ZNF736: variants seen among roughly 807,000 people sequenced by gnomAD.
The protein encoded by ZNF736 is KRAB-containing zinc-finger repressor protein.
A neutral mutation model predicts 11.7 loss-of-function variants in ZNF736; 6 were observed. The ratio of observed to expected loss-of-function variants is 0.51; its 90% CI spans 0.28 to 1.01. The LOEUF (loss-of-function observed/expected upper bound fraction) is 1.01, where lower values mean the gene tolerates loss of function less well. Among genes scored for constraint, ZNF736 ranks in the 50% least tolerant of loss-of-function variants. The probability of loss-of-function intolerance (pLI) is 0.09; values close to 1 mark genes in which losing one functional copy is unlikely to be tolerated. For synonymous variants in ZNF736, 139 were observed against 164.7 expected (o/e 0.84, Z 1.19); for missense variants, 444 against 496.0 (o/e 0.90, Z 1.00).
At chr7:64,339,132 A>G (rs1789300295) in intron 3 of ZNF736, among the ~76,000 whole-genome samples, 1 of 152,136 alleles carries the variant, frequency 6.6e-6, no homozygotes, top group South Asian at 2.1e-4. Flanking sequence ...ATTTGTAAAC[A>G]TTTATTTAGT....
chr7:64,330,630 G>A (rs898513972), intron 1 of ZNF736, among the ~76,000 whole-genome samples: 3 of 152,102 alleles, frequency 2.0e-5, no homozygotes, highest in African/African-American at 7.2e-5. Flanking sequence ...TCAAGCAGGA[G>A]TCTCTCCACA....
Position 64,336,897 on chromosome 7 carries a change from C to G in ZNF736, c.141C>G (p.Ile47Met), listed in dbSNP as rs1299952507. The change falls in exon 3 of 4, where the codon ATC becomes ATG. Residue 47 changes from isoleucine (I) to methionine (M), a missense_variant. Ile to Met is a conservative substitution (Grantham distance 10). Coordinates refer to ENST00000423484, the MANE Select transcript of ZNF736 (RefSeq NM_001170905.3). Reference sequence around the variant, plus strand: ...TTTCTAATAAAACAGGTCTTGCTATCTTTAAGCCAGACTTGATGACCTGTC... The same window carrying G: ...TTTCTAATAAAACAGGTCTTGCTATGTTTAAGCCAGACTTGATGACCTGTC... ...YGNLVSLGLAIFKPDLMTCLE... is the reference protein window; with the variant it reads ...YGNLVSLGLAMFKPDLMTCLE... 6.3e-7 allele frequency: 1 copy of G among 1,593,860 alleles called. No homozygotes were observed. Among genetic ancestry groups the G allele is most frequent in the Admixed American group, 1.8e-5 (1 of 56,500 alleles).
At chr7:64,341,150 TGCCACAATTTCTAC>T (rs1039783744) in intron 3 of ZNF736, among the ~76,000 whole-genome samples, 7 of 152,168 alleles carry the variant, frequency 4.6e-5, no homozygotes, top group Non-Finnish European at 1.0e-4. Flanking sequence ...ATTATTTTTC[TGCCACAATTTCTAC>T]TGGTTTCTTT....
At chr7:64,338,438 A>G (rs1789290144) in intron 3 of ZNF736, among the ~76,000 whole-genome samples, 1 of 152,204 alleles carries the variant, frequency 6.6e-6, no homozygotes, top group Non-Finnish European at 1.5e-5. Context: ...GCTGTACCTT[A>G]GGTTACCATA....
rs544848009 is a variant in ZNF736 at position 64,330,198 on chromosome 7, C to T, written c.4-6061C>T. ...TTGAGACGGAGTCTCGCTCTGTAGC[C>T]CAGGCTGGAGTGCAGTGGAGTGATC... On this transcript the variant is annotated intron_variant, in intron 1 of 3. Coordinates refer to ENST00000423484, the MANE Select transcript of ZNF736 (RefSeq NM_001170905.3). 8.5e-5 allele frequency among the ~76,000 whole-genome samples: 13 copies of T among 152,110 alleles called. No homozygotes were observed. In the East Asian group the frequency reaches 2.5e-3, roughly 30 times the overall value.
At chr7:64,329,574 CT>C (rs1789130669) in intron 1 of ZNF736, among the ~76,000 whole-genome samples, 1 of 152,142 alleles carries the variant, frequency 6.6e-6, no homozygotes, top group Non-Finnish European at 1.5e-5. Context: ...ACCAGGCAGA[CT>C]CTTTTTCTAT....
intron 1 of ZNF736, among the ~76,000 whole-genome samples, chr7:64,326,356 A>G (rs532286183): frequency 5.7e-4 from 86 of 151,654 alleles, no homozygotes; most frequent in African/African-American, 1.9e-3. Context: ...CCAGATTTGT[A>G]GAAAAATAGC....
intron 3 of ZNF736, among the ~76,000 whole-genome samples, chr7:64,340,039 TTAATCCTG>T (rs1366866090): frequency 1.3e-5 from 2 of 152,176 alleles, no homozygotes; most frequent in African/African-American, 4.8e-5. Flanking sequence ...TGGGTAGTTG[TTAATCCTG>T]TCTTATTTCT....
chr7:64,337,827 T>C (rs1180423682), intron 3 of ZNF736, among the ~76,000 whole-genome samples: 1 of 147,816 alleles, frequency 6.8e-6, no homozygotes, highest in Non-Finnish European at 1.5e-5. Context: ...CGATCTCGGC[T>C]CCCTGCAACC....
intron 3 of ZNF736, among the ~76,000 whole-genome samples, chr7:64,343,480 T>C (rs1789367165): frequency 6.6e-6 from 1 of 152,204 alleles, no homozygotes; most frequent in Non-Finnish European, 1.5e-5. Flanking sequence ...ATCTGAGTAG[T>C]AGTAGCAGTT....
rs1228543896 is a variant in ZNF736, at chr7:64,351,429, G to C, written c.*2282G>C. ...CTGGTGCAGTCATAGGGGCTGCTTT[G>C]CTGGAGCTCTTCATGAGTCAGGCAT... is the stretch of plus-strand genomic sequence containing the variant. On this transcript the variant is annotated 3_prime_UTR_variant, in exon 4 of 4. Coordinates refer to ENST00000423484, the MANE Select transcript of ZNF736 (RefSeq NM_001170905.3). 2 of 152,378 alleles carry C rather than the reference G, an allele frequency of 1.3e-5. No homozygotes were observed. The highest frequency in any genetic ancestry group is 1.3e-4 in the Admixed American group (2 of 15,282). The allele number at this position is 152,378 out of a possible 1,614,324, so 9.4% of individuals were successfully genotyped here. A position where few individuals can be genotyped will look rare whatever the true frequency, so the allele number is the denominator to read the frequency against.
At chr7:64,319,508 T>C (rs1415320235) in intron 1 of ZNF736, among the ~76,000 whole-genome samples, 1 of 131,754 alleles carries the variant, frequency 7.6e-6, no homozygotes, top group Non-Finnish European at 1.6e-5. Flanking sequence ...TTTTTTTTTT[T>C]TTTTTGAGAC....
Position 64,349,182 on chromosome 7 carries a change from G to C in ZNF736, c.*35G>C. On this transcript the variant is annotated 3_prime_UTR_variant, in exon 4 of 4. Coordinates refer to ENST00000423484, the MANE Select transcript of ZNF736 (RefSeq NM_001170905.3). Reference sequence around the variant, plus strand: ...AAAGCCTTTACCAAGTCCTCATACTGTGTTCAACATCTGAAATTTAATACT... The same window carrying C: ...AAAGCCTTTACCAAGTCCTCATACTCTGTTCAACATCTGAAATTTAATACT... 7.0e-7 allele frequency: 1 copy of C among 1,437,530 alleles called. No individual in the cohort carries two copies. Among genetic ancestry groups the C allele is most frequent in the African/African-American group, 1.4e-5 (1 of 69,558 alleles). 89.0% of individuals were successfully genotyped at this position (1,437,530 alleles called of 1,614,324 possible).
At chr7:64,329,634 G>C (rs962202944) in intron 1 of ZNF736, among the ~76,000 whole-genome samples, 5 of 152,094 alleles carry the variant, frequency 3.3e-5, no homozygotes, top group African/African-American at 1.2e-4. Context: ...TCTGCATGCT[G>C]AGCTACCTGG....
At position 64,313,975 on chromosome 7, in the gene ZNF736, A is replaced by G. The variant is rs1027855755; in HGVS notation, c.-176A>G. 1.1e-5 allele frequency: 9 copies of G among 797,160 alleles called. No individual in the cohort carries two copies. In the Admixed American group the frequency reaches 1.4e-4, roughly 13 times the overall value. The allele number at this position is 797,160 out of a possible 1,614,324, so 49.4% of individuals were successfully genotyped here. On this transcript the variant is annotated 5_prime_UTR_variant, in exon 1 of 4. In the 5' UTR this introduces an upstream ATG that the reference lacks. Coordinates refer to ENST00000423484, the MANE Select transcript of ZNF736 (RefSeq NM_001170905.3). ...CAGAGGAAGAGGCGGCCTCTTCAAT[A>G]TGGCGGGGCCTTTGTCTCCTAGCTT...
intron 3 of ZNF736, among the ~76,000 whole-genome samples, chr7:64,337,573 G>A (rs1461463842): frequency 1.3e-5 from 2 of 151,996 alleles, no homozygotes; most frequent in Non-Finnish European, 2.9e-5. Context: ...CTCTAAAATT[G>A]TGTTACTTCA....
rs539647779 is a variant in ZNF736, at chr7:64,345,663, G to A, written c.227-2427G>A. Reference sequence around the variant, plus strand: ...GCAGGGGAATCACATGAACCCAGGAGGTGGAGGTTGCAGTGAGCCGAGATC... The same window carrying A: ...GCAGGGGAATCACATGAACCCAGGAAGTGGAGGTTGCAGTGAGCCGAGATC... On this transcript the variant is annotated intron_variant, in intron 3 of 3. Coordinates refer to ENST00000423484, the MANE Select transcript of ZNF736 (RefSeq NM_001170905.3). 6.8e-3 allele frequency among the ~76,000 whole-genome samples: 1,022 copies of A among 149,260 alleles called. 8 individuals are homozygous for A. Among genetic ancestry groups the A allele is most frequent in the African/African-American group, 0.024 (965 of 40,450 alleles).
Position 64,343,109 on chromosome 7 carries a change from A to G in ZNF736, c.227-4981A>G, listed in dbSNP as rs1206090143. Among the ~76,000 whole-genome samples, 4 of 152,196 alleles carry G rather than the reference A, an allele frequency of 2.6e-5. No individual in the cohort carries two copies. The East Asian group carries it at 7.7e-4, about 29-fold the overall frequency. Reference sequence around the variant, plus strand: ...TATAAAATGTTATTGCTTTCACTGTATACCAGTGATTCAAACTTTATTGTC... The same window carrying G: ...TATAAAATGTTATTGCTTTCACTGTGTACCAGTGATTCAAACTTTATTGTC... On this transcript the variant is annotated intron_variant, in intron 3 of 3. Coordinates refer to ENST00000423484, the MANE Select transcript of ZNF736 (RefSeq NM_001170905.3).
chr7:64,343,791 G>A (rs1452656365), intron 3 of ZNF736, among the ~76,000 whole-genome samples: 2 of 151,846 alleles, frequency 1.3e-5, no homozygotes, highest in Non-Finnish European at 2.9e-5. Context: ...TAGTTTTTAT[G>A]TATCATAATT....
Sources: allele counts gnomAD v4.1 joint callset (sites outside exome capture counted in the v4.1 genomes callset), GRCh38; gene constraint gnomAD v4.1.1; transcripts MANE v1.5; gene names NCBI Gene and HGNC (gene_info 2026-07-23, HGNC 2026-07-21).